EIF2S2: variants seen among roughly 807,000 people sequenced by gnomAD.
EIF2S2 encodes eukaryotic translation initiation factor 2 subunit beta.
Under a neutral mutation model 44.0 loss-of-function variants are expected in EIF2S2, and 4 were observed. The ratio of observed to expected loss-of-function variants is 0.09; its 90% CI spans 0.04 to 0.21. EIF2S2 has a LOEUF of 0.21. Ranked by LOEUF, EIF2S2 falls within the 10% of genes least tolerant of loss-of-function variation. The pLI, the probability that EIF2S2 is intolerant of heterozygous loss-of-function variation, is 1.00. For missense variants in EIF2S2, 154 were observed against 392.0 expected, an observed-to-expected ratio of 0.39 and a Z score of 5.13; for synonymous variants, 108 against 128.3, an observed-to-expected ratio of 0.84 and a Z score of 1.07.
chr20:34,097,563 A>G (rs1210291347), intron 4 of EIF2S2, 47 bp from the exon 5 acceptor site: 4 of 1,491,372 alleles, frequency 2.7e-6, no homozygotes, highest in African/African-American at 1.4e-5. Context: ...CCCTACTACA[A>G]TACAAAAGTG....
chr20:34,107,266 C>CTCTCTCCATA (rs1303347670), intron 1 of EIF2S2, among the ~76,000 whole-genome samples: 1 of 152,276 alleles, frequency 6.6e-6, no homozygotes, highest in East Asian at 1.9e-4. Context: ...CCTTACCAAT[C>CTCTCTCCATA]TCTCTCCATA....
chr20:34,089,956 G>A (rs1222898139), intron 8 of EIF2S2, 51 bp from the exon 9 acceptor site: 1 of 1,590,206 alleles, frequency 6.3e-7, no homozygotes, highest in Non-Finnish European at 8.6e-7. Context: ...GTGAGGTAGA[G>A]AAGTTTCTGC....
chr20:34,112,072 C>A (rs1347240217), intron 1 of EIF2S2, 24 bp downstream of exon 1: 2 of 1,543,846 alleles, frequency 1.3e-6, no homozygotes, highest in Admixed American at 1.9e-5. Context: ...ATCCTTAGCC[C>A]TTACGCCGGG....
intron 6 of EIF2S2, 136 bp downstream of exon 6, chr20:34,096,521 C>G (rs565991034): frequency 4.9e-6 from 4 of 819,030 alleles, no homozygotes; most frequent in Non-Finnish European, 7.6e-6. Flanking sequence ...CAGGCTTGAA[C>G]GGTGAACTCC....
chr20:34,110,854 A>G (rs1041575741), intron 1 of EIF2S2, among the ~76,000 whole-genome samples: 1 of 152,238 alleles, frequency 6.6e-6, no homozygotes, highest in Non-Finnish European at 1.5e-5. Flanking sequence ...AGCAGCCTAG[A>G]GCAATGTCTA....
rs191335415 is a variant in EIF2S2, at chr20:34,107,857, G to A, written c.16-2312C>T. ...TTTCTCCCTTAACAAGGATCCAACT[G>A]TATAAATAATTAAATCTGAAATGCA... On this transcript the variant is annotated intron_variant, in intron 1 of 8. Coordinates refer to ENST00000374980, the MANE Select transcript of EIF2S2 (RefSeq NM_003908.5). 1.0e-3 allele frequency among the ~76,000 whole-genome samples: 155 copies of A among 152,302 alleles called. No individual in the cohort carries two copies. In the Middle Eastern group the frequency reaches 0.014, roughly 13 times the overall value.
intron 1 of EIF2S2, among the ~76,000 whole-genome samples, chr20:34,107,397 T>C (rs985797077): frequency 6.6e-6 from 1 of 152,172 alleles, no homozygotes; most frequent in Non-Finnish European, 1.5e-5. Flanking sequence ...AAATTCTGAC[T>C]CTGGCTTGTA....
At chr20:34,090,472 T>G in intron 8 of EIF2S2, 45 bp downstream of exon 8, 3 of 1,239,244 alleles carry the variant, frequency 2.4e-6, no homozygotes, top group Non-Finnish European at 3.3e-6. Context: ...TGCAGCCTCA[T>G]GAGAACATTT....
In EIF2S2 at chr20:34,088,848, T is replaced by A. The variant is rs2034126487; in HGVS notation, c.*882A>T. On this transcript the variant is annotated 3_prime_UTR_variant, in exon 9 of 9. Coordinates refer to ENST00000374980, the MANE Select transcript of EIF2S2 (RefSeq NM_003908.5). ...CAGAAAATAGAAAAAGCATTTGTGGTGGGTCTTTTTCAAACCCAGAACACA... is the reference window on the plus strand; with the variant it reads ...CAGAAAATAGAAAAAGCATTTGTGGAGGGTCTTTTTCAAACCCAGAACACA... 6.6e-6 allele frequency: 1 copy of A among 152,210 alleles called. No individual in the cohort carries two copies. Among genetic ancestry groups the A allele is most frequent in the African/African-American group, 2.4e-5 (1 of 41,430 alleles). The allele number at this position is 152,210 out of a possible 1,614,324, so 9.4% of individuals were successfully genotyped here.
intron 3 of EIF2S2, among the ~76,000 whole-genome samples, chr20:34,102,400 T>A (rs1186018919): frequency 1.3e-5 from 2 of 152,212 alleles, no homozygotes; most frequent in East Asian, 3.8e-4. Flanking sequence ...TAAATTATCC[T>A]TGAACCAAAA....
intron 1 of EIF2S2, among the ~76,000 whole-genome samples, chr20:34,107,266 C>T (rs1255046832): frequency 6.6e-6 from 1 of 152,166 alleles, no homozygotes; most frequent in Non-Finnish European, 1.5e-5. Context: ...CCTTACCAAT[C>T]TCTCTCCATA....
chr20:34,098,021 G>A (rs974946473), intron 4 of EIF2S2, among the ~76,000 whole-genome samples: 1 of 152,100 alleles, frequency 6.6e-6, no homozygotes, highest in South Asian at 2.1e-4. Flanking sequence ...CGAGGCGGAC[G>A]GATCACCTGA....
chr20:34,093,655 A>G lies in EIF2S2; in HGVS notation c.740+20T>C, dbSNP rs1393379100. 6.3e-7 allele frequency: 1 copy of G among 1,596,100 alleles called. No homozygotes were observed. The highest frequency in any genetic ancestry group is 1.7e-5 in the Admixed American group (1 of 58,944). ...TGAAATGTCCAGCAGTACTGTATGT[A>G]AATGTATACAGTTTCTTACCTTGTA... is the stretch of plus-strand genomic sequence containing the variant. On this transcript the variant is annotated intron_variant, in intron 7 of 8. Coordinates refer to ENST00000374980, the MANE Select transcript of EIF2S2 (RefSeq NM_003908.5).
At chr20:34,099,068 AC>A (rs747460407) in intron 3 of EIF2S2, among the ~76,000 whole-genome samples, 3 of 152,296 alleles carry the variant, frequency 2.0e-5, no homozygotes, top group Non-Finnish European at 4.4e-5. Flanking sequence ...AAACCAGGCT[AC>A]TGTCAGAATC....
At chr20:34,106,484 T>C (rs1242779533) in intron 1 of EIF2S2, among the ~76,000 whole-genome samples, 1 of 150,214 alleles carries the variant, frequency 6.7e-6, no homozygotes, top group Non-Finnish European at 1.5e-5. Flanking sequence ...CAGGTTGGAG[T>C]GCAGTGGCAT....
chr20:34,093,733 TAAAAAG>T lies in EIF2S2; in HGVS notation c.684-8_684-3del. 6.2e-7 allele frequency: 1 copy of T among 1,601,902 alleles called. No homozygotes were observed. The highest frequency in any genetic ancestry group is 8.5e-7 in the Non-Finnish European group (1 of 1,172,474). On this transcript the variant is annotated splice_region_variant and splice_polypyrimidine_tract_variant and intron_variant, in intron 6 of 8. Transcript: ENST00000374980. ...AGATGTTTGGGCTGACGATGTAATC[TAAAAAG>T]AAAATCAAAATATATAAACCTTATC...
chr20:34,108,936 A>AT (rs374743966), intron 1 of EIF2S2, among the ~76,000 whole-genome samples: 14,187 of 140,354 alleles, frequency 0.1, 776 homozygotes, highest in Non-Finnish European at 0.13. Context: ...GGATTGTGGG[A>AT]TTTTTTTTTT....
intron 1 of EIF2S2, among the ~76,000 whole-genome samples, chr20:34,110,047 G>A (rs1257938587): frequency 2.8e-5 from 4 of 143,462 alleles, no homozygotes; most frequent in African/African-American, 1.0e-4. Context: ...GCGGTGAGCC[G>A]AGATCACGCC....
chr20:34,104,642 T>C (rs1454617834), intron 2 of EIF2S2, among the ~76,000 whole-genome samples: 2 of 152,194 alleles, frequency 1.3e-5, no homozygotes, highest in Non-Finnish European at 2.9e-5. Flanking sequence ...CATTAATGAG[T>C]AATAATAGGT....
Sources: allele counts gnomAD v4.1 joint callset (sites outside exome capture counted in the v4.1 genomes callset), GRCh38; gene constraint gnomAD v4.1.1; transcripts MANE v1.5; gene names NCBI Gene and HGNC (gene_info 2026-07-23, HGNC 2026-07-21).